Variants in STIM2 observed in about 807,000 individuals in gnomAD.
The protein encoded by STIM2 is stromal interaction molecule 2.
A neutral mutation model predicts 85.8 loss-of-function variants in STIM2; 31 were observed. The ratio of observed to expected loss-of-function variants is 0.36; its 90% CI spans 0.27 to 0.49. The LOEUF (loss-of-function observed/expected upper bound fraction) is 0.49, where lower values mean the gene tolerates loss of function less well. Among genes scored for constraint, STIM2 ranks in the 20% least tolerant of loss-of-function variants. The pLI is 0.98. For synonymous variants in STIM2, 356 were observed against 331.1 expected, an observed-to-expected ratio of 1.08 and a Z score of -0.82; for missense variants, 841 against 927.6, an observed-to-expected ratio of 0.91 and a Z score of 1.21.
chr4:26,927,930 A>T (rs1003030334), intron 2 of STIM2, among the ~76,000 whole-genome samples: 6 of 150,206 alleles, frequency 4.0e-5, no homozygotes, highest in Non-Finnish European at 7.4e-5. Flanking sequence ...GTGCTGCTAT[A>T]GCAGGGTACT....
intron 1 of STIM2, among the ~76,000 whole-genome samples, chr4:26,909,294 A>C (rs1307971159): frequency 6.6e-6 from 1 of 152,186 alleles, no homozygotes; most frequent in African/African-American, 2.4e-5. Context: ...TTATACATTG[A>C]TATATCATGT....
At chr4:26,869,991 A>G (rs1242471647) in intron 1 of STIM2, among the ~76,000 whole-genome samples, 1 of 151,994 alleles carries the variant, frequency 6.6e-6, no homozygotes, top group Non-Finnish European at 1.5e-5. Context: ...AAAGAAGAAA[A>G]TCCTGCCATT....
At chr4:26,912,351 C>G (rs1023289293) in intron 1 of STIM2, among the ~76,000 whole-genome samples, 1 of 152,152 alleles carries the variant, frequency 6.6e-6, no homozygotes, top group Non-Finnish European at 1.5e-5. Context: ...ATGAAATTTG[C>G]TGACTTAAAT....
chr4:26,909,163 CATTGA>C (rs1472797245), intron 1 of STIM2, among the ~76,000 whole-genome samples: 1 of 152,158 alleles, frequency 6.6e-6, no homozygotes, highest in Non-Finnish European at 1.5e-5. Flanking sequence ...GGAGACTTAG[CATTGA>C]ATTCCGACTG....
At chr4:26,960,777 A>G (rs1433811148) in intron 3 of STIM2, among the ~76,000 whole-genome samples, 3 of 152,206 alleles carry the variant, frequency 2.0e-5, no homozygotes, top group Non-Finnish European at 4.4e-5. Flanking sequence ...TAAAAATACT[A>G]GTACAGGCCA....
intron 1 of STIM2, among the ~76,000 whole-genome samples, chr4:26,897,548 T>C (rs1026154694): frequency 3.3e-5 from 5 of 152,240 alleles, no homozygotes; most frequent in African/African-American, 1.2e-4. Flanking sequence ...TCAAGAGTTA[T>C]GACGTTTTTG....
At chr4:26,970,823 C>T (rs2109104166) in intron 3 of STIM2, among the ~76,000 whole-genome samples, 1 of 152,324 alleles carries the variant, frequency 6.6e-6, no homozygotes, top group South Asian at 2.1e-4. Flanking sequence ...ACCACACTGT[C>T]TTCCACAATG....
rs150973437 is a variant in STIM2 at position 26,929,264 on chromosome 4, C to T, written c.282+9630C>T. ...GTAGCTCACATTTTATTTCTATTAG[C>T]ACTGATCTAGGCTCTGTGTGATGTG... On this transcript the variant is annotated intron_variant, in intron 2 of 11. Transcript: ENST00000467087. Among the ~76,000 whole-genome samples, 284 of 152,260 alleles carry T rather than the reference C, an allele frequency of 1.9e-3. 2 individuals are homozygous for T. Among genetic ancestry groups the T allele is most frequent in the Middle Eastern group, 3.4e-3 (1 of 294 alleles).
intron 3 of STIM2, among the ~76,000 whole-genome samples, chr4:26,963,777 AAG>A (rs1461751971): frequency 2.0e-5 from 3 of 152,228 alleles, no homozygotes; most frequent in Non-Finnish European, 2.9e-5. Context: ...TCATAGAAAT[AAG>A]AGAGGGATAT....
intron 2 of STIM2, 39 bp from the exon 3 acceptor site, chr4:26,957,573 A>T: frequency 8.5e-7 from 1 of 1,177,224 alleles, no homozygotes; most frequent in Non-Finnish European, 1.2e-6. Flanking sequence ...AGACTAAGGT[A>T]ATGAATTTAT....
At chr4:26,971,832 G>A (rs1218202167) in intron 3 of STIM2, among the ~76,000 whole-genome samples, 2 of 152,188 alleles carry the variant, frequency 1.3e-5, no homozygotes, top group African/African-American at 4.8e-5. Context: ...ACCTTGGGCA[G>A]TATGGCCATT....
chr4:26,947,379 C>T (rs988319584), intron 2 of STIM2, among the ~76,000 whole-genome samples: 5 of 152,224 alleles, frequency 3.3e-5, no homozygotes, highest in African/African-American at 1.2e-4. Flanking sequence ...AAACGTATTA[C>T]ATTTTATTTT....
intron 2 of STIM2, among the ~76,000 whole-genome samples, chr4:26,930,837 T>G (rs1213833508): frequency 6.6e-6 from 1 of 152,216 alleles, no homozygotes; most frequent in African/African-American, 2.4e-5. Flanking sequence ...ATGTGTTAGT[T>G]TATTGCTATG....
chr4:26,900,640 A>G (rs892041184), intron 1 of STIM2, among the ~76,000 whole-genome samples: 1 of 152,240 alleles, frequency 6.6e-6, no homozygotes, highest in Non-Finnish European at 1.5e-5. Context: ...TATAATTGGC[A>G]TGAAACTTCC....
At chr4:26,968,754 T>C (rs10433805) in intron 3 of STIM2, among the ~76,000 whole-genome samples, 53,193 of 151,936 alleles carry the variant, frequency 0.35, 9,819 homozygotes, top group East Asian at 0.63. Flanking sequence ...GTGGGTGACC[T>C]CCTATTTAAG....
chr4:27,022,973 C>G lies in STIM2; in HGVS notation c.2218C>G (p.Leu740Val), dbSNP rs1728964000. 1 of 1,612,798 alleles carries G rather than the reference C, an allele frequency of 6.2e-7. No homozygotes were observed. The highest frequency in any genetic ancestry group is 8.5e-7 in the Non-Finnish European group (1 of 1,179,836). ...CAAAAAGCCATCAAAAATCAAAAGC[C>G]TTTTTAAGAAGAAATCTAAGTGAAC... The change falls in exon 12 of 12, where the codon CTT becomes GTT. Residue 740 changes from leucine to valine, a missense_variant. By Grantham distance (32) the Leu-to-Val change is conservative. Around this residue, in one of 3 missense-constraint regions of STIM2, gnomAD observed 293 missense variants for 284.5 expected, o/e 1.03. Transcript: ENST00000467087.
At chr4:27,003,805 G>A (rs1483456247) in intron 7 of STIM2, among the ~76,000 whole-genome samples, 1 of 152,130 alleles carries the variant, frequency 6.6e-6, no homozygotes, top group Non-Finnish European at 1.5e-5. Flanking sequence ...CTGTAGGGGA[G>A]GACGTGTTTC....
chr4:26,937,483 A>G (rs1725436905), intron 2 of STIM2, among the ~76,000 whole-genome samples: 2 of 152,196 alleles, frequency 1.3e-5, no homozygotes, highest in Admixed American at 1.3e-4. Flanking sequence ...GACACTTCAC[A>G]TAGTATCTCA....
intron 4 of STIM2, among the ~76,000 whole-genome samples, chr4:26,996,577 A>G (rs1245141618): frequency 6.6e-6 from 1 of 152,046 alleles, no homozygotes; most frequent in Non-Finnish European, 1.5e-5. Flanking sequence ...AGTATTTCTG[A>G]TTTTATTATA....
Sources: allele counts gnomAD v4.1 joint callset (sites outside exome capture counted in the v4.1 genomes callset), GRCh38; gene constraint gnomAD v4.1.1; regional missense constraint gnomAD v4.1.1; transcripts MANE v1.5; gene names NCBI Gene and HGNC (gene_info 2026-07-23, HGNC 2026-07-21).